PDXK: variants seen among roughly 807,000 people sequenced by gnomAD.
The protein encoded by PDXK is pyridoxal kinase, also known as epididymis secretory sperm binding protein Li 1a.
PDXK carries 15 observed loss-of-function variants against 43.2 expected under a neutral mutation model. The ratio of observed to expected loss-of-function variants is 0.35; its 90% CI spans 0.23 to 0.53. PDXK has a LOEUF of 0.53. Among genes scored for constraint, PDXK ranks in the 20% least tolerant of loss-of-function variants. PDXK has a pLI of 0.92. For synonymous variants in PDXK, 172 were observed against 165.4 expected (o/e 1.04, Z -0.31); for missense variants, 343 against 417.0 (o/e 0.82, Z 1.54).
At chr21:43,733,247 A>ACCCCCCCCCC (rs1568976417) in intron 1 of PDXK, among the ~76,000 whole-genome samples, 1 of 26,796 alleles carries the variant, frequency 3.7e-5, no homozygotes, top group Non-Finnish European at 8.9e-5. Flanking sequence ...GCCCCTCCCC[A>ACCCCCCCCCC]TCCCCACCCC....
chr21:43,748,617 A>G (rs866867321), intron 5 of PDXK: 1 of 181,842 alleles, frequency 5.5e-6, no homozygotes, highest in Non-Finnish European at 1.1e-5. Flanking sequence ...GGACATGGCC[A>G]GCACCCCCAA....
At chr21:43,745,991 T>C in intron 4 of PDXK, 88 bp from the exon 5 acceptor site, 1 of 1,048,686 alleles carries the variant, frequency 9.5e-7, no homozygotes. Context: ...AGCAAGACCC[T>C]GTCTTAAAAA....
chr21:43,745,401 CAG>C (rs1489381708), intron 4 of PDXK, among the ~76,000 whole-genome samples: 1 of 145,816 alleles, frequency 6.9e-6, no homozygotes, highest in African/African-American at 2.6e-5. Context: ...GCTTGGGTGA[CAG>C]GGCGAGACTC....
At chr21:43,728,941 C>A in intron 1 of PDXK, 1 of 985,370 alleles carries the variant, frequency 1.0e-6, no homozygotes, top group Non-Finnish European at 1.2e-6. Context: ...ATTATTTTGA[C>A]CCCCCAGGGC....
Position 43,732,168 on chromosome 21 carries a change from G to A in PDXK, c.88-1901G>A. ...CAGTTTCACATTCTTGGTACCTCCTGGTGGTGCCTGGGAGGGAGCCACTGC... is the reference window on the plus strand; with the variant it reads ...CAGTTTCACATTCTTGGTACCTCCTAGTGGTGCCTGGGAGGGAGCCACTGC... On this transcript the variant is annotated intron_variant, in intron 1 of 10. Transcript: ENST00000291565. This position sits in a 1 kb window ranked among gnomAD's most constrained non-coding sequence, Gnocchi z 4.1. The A allele has an allele frequency of 7.1e-7, 1 of 1,408,486 alleles. No homozygotes were observed. Among genetic ancestry groups the A allele is most frequent in the African/African-American group, 1.4e-5 (1 of 69,374 alleles). 87.2% of individuals were successfully genotyped at this position (1,408,486 alleles called of 1,614,324 possible).
chr21:43,761,903 C>T lies in PDXK; in HGVS notation c.*5840C>T, dbSNP rs906199262. On this transcript the variant is annotated 3_prime_UTR_variant, in exon 11 of 11. Coordinates refer to ENST00000291565, the MANE Select transcript of PDXK (RefSeq NM_003681.5). ...GGACGTGAGTCCTCAGCTGGCTCCG[C>T]GTGGGCCCTTGGAGGGTGCCAGGTG... 3 of 153,766 alleles carry T rather than the reference C, an allele frequency of 2.0e-5. No individual in the cohort carries two copies. The highest frequency in any genetic ancestry group is 1.3e-4 in the Admixed American group (2 of 15,292). 9.5% of individuals were successfully genotyped at this position (153,766 alleles called of 1,614,324 possible). A position where few individuals can be genotyped will look rare whatever the true frequency, so the allele number is the denominator to read the frequency against.
chr21:43,748,136 T>C (rs765727493), intron 5 of PDXK, among the ~76,000 whole-genome samples: 4 of 152,272 alleles, frequency 2.6e-5, no homozygotes, highest in Non-Finnish European at 1.5e-5. Flanking sequence ...AAATGTTCCA[T>C]GAAGCCCACA....
In PDXK at chr21:43,749,087, C is replaced by CATTTT; in HGVS notation, c.464+19_464+23dup. On this transcript the variant is annotated splice_region_variant and intron_variant, in intron 6 of 10. Coordinates refer to ENST00000291565, the MANE Select transcript of PDXK (RefSeq NM_003681.5). ...CCAACCAGTTTGAGGCCGAGTAAGT[C>CATTTT]ATTTTATTTTATTTTACTTTATTTA... 6.4e-7 allele frequency: 1 copy of CATTTT among 1,558,062 alleles called. No homozygotes were observed. Among genetic ancestry groups the CATTTT allele is most frequent in the South Asian group, 1.1e-5 (1 of 88,914 alleles).
rs552548029 is a variant in PDXK at position 43,719,839 on chromosome 21, G to A, written c.87+458G>A. ...GCCGTGGAGCTCGAGACGCTCGCGC[G>A]CTCACCTCCTGGGCCCCTGTGCGTG... On this transcript the variant is annotated intron_variant, in intron 1 of 10. Coordinates refer to ENST00000291565, the MANE Select transcript of PDXK (RefSeq NM_003681.5). 5 of 985,490 alleles carry A rather than the reference G, an allele frequency of 5.1e-6. No homozygotes were observed. The South Asian group carries it at 2.3e-4, about 46-fold the overall frequency. 61.0% of individuals were successfully genotyped at this position (985,490 alleles called of 1,614,324 possible).
In PDXK at chr21:43,756,553, G is replaced by A. The variant is rs2083854842; in HGVS notation, c.*490G>A. On this transcript the variant is annotated 3_prime_UTR_variant, in exon 11 of 11. Coordinates refer to ENST00000291565, the MANE Select transcript of PDXK (RefSeq NM_003681.5). ...TATCTTTACTGTCATTCTGACCATA[G>A]CCTCTTTGTTCCCGCATTCGAACTT... 1 of 154,706 alleles carries A rather than the reference G, an allele frequency of 6.5e-6. No homozygotes were observed. The allele number at this position is 154,706 out of a possible 1,614,324, so 9.6% of individuals were successfully genotyped here.
chr21:43,722,501 T>C (rs1456823411), intron 1 of PDXK, among the ~76,000 whole-genome samples: 4 of 152,228 alleles, frequency 2.6e-5, no homozygotes, highest in East Asian at 1.9e-4. Flanking sequence ...TAGGGTCATG[T>C]AGGAGTTTGC....
At chr21:43,727,986 C>G (rs930317362) in intron 1 of PDXK, among the ~76,000 whole-genome samples, 10 of 152,204 alleles carry the variant, frequency 6.6e-5, no homozygotes, top group African/African-American at 2.4e-4. Context: ...TTGCAGTGAG[C>G]CCAGCACCTG....
At chr21:43,721,555 T>A (rs1031403138) in intron 1 of PDXK, 1 of 152,288 alleles carries the variant, frequency 6.6e-6, no homozygotes, top group African/African-American at 2.4e-5. Context: ...GGGTCCCACC[T>A]CAAAGCAGGT....
At position 43,726,270 on chromosome 21, in the gene PDXK, C is replaced by CTTTTTTT. The variant is rs1182376121; in HGVS notation, c.87+6903_87+6909dup. 3.6e-3 allele frequency among the ~76,000 whole-genome samples: 425 copies of CTTTTTTT among 116,800 alleles called. 1 individual carries two copies. Among genetic ancestry groups the CTTTTTTT allele is most frequent in the African/African-American group, 6.0e-3 (164 of 27,504 alleles). The allele number at this position is 116,800 out of a possible 152,430, so 76.6% of individuals were successfully genotyped here. A position where few individuals can be genotyped will look rare whatever the true frequency, so the allele number is the denominator to read the frequency against. ...GTCCCGTTTTCCATTTTTTCTTTTT[C>CTTTTTTT]TTTTTTTTTTTTTTTTTTTTGAGAC... On this transcript the variant is annotated intron_variant, in intron 1 of 10. Transcript: ENST00000291565.
Position 43,737,728 on chromosome 21 carries a change from C to T in PDXK, c.142+3605C>T, listed in dbSNP as rs1180168201. On this transcript the variant is annotated intron_variant, in intron 2 of 10. Coordinates refer to ENST00000291565, the MANE Select transcript of PDXK (RefSeq NM_003681.5). This position sits in a 1 kb window ranked among gnomAD's most constrained non-coding sequence, Gnocchi z 4.8. ...CCAGGCCGGGCCAGGAGCCTGCCGACGGACACCAGCGAGGGGCCAGGCCGG... is the reference window on the plus strand; with the variant it reads ...CCAGGCCGGGCCAGGAGCCTGCCGATGGACACCAGCGAGGGGCCAGGCCGG... The T allele has an allele frequency of 8.4e-6, 8 of 949,968 alleles. No individual in the cohort carries two copies. Among genetic ancestry groups the T allele is most frequent in the Admixed American group, 1.5e-4 (2 of 13,076 alleles). 58.8% of individuals were successfully genotyped at this position (949,968 alleles called of 1,614,324 possible).
intron 7 of PDXK, among the ~76,000 whole-genome samples, chr21:43,751,388 A>G (rs561621631): frequency 6.6e-6 from 1 of 152,220 alleles, no homozygotes. Flanking sequence ...ATCTCTACTA[A>G]AAATACAAAA....
rs1353216407 is a variant in PDXK at position 43,737,327 on chromosome 21, C to T, written c.142+3204C>T. 7 of 1,352,616 alleles carry T rather than the reference C, an allele frequency of 5.2e-6. No individual in the cohort carries two copies. In the Admixed American group the frequency reaches 2.0e-4, roughly 39 times the overall value. 83.8% of individuals were successfully genotyped at this position (1,352,616 alleles called of 1,614,324 possible). ...GCTGCTCGCACTTCTGCCCCTTCCCCCGGCCAGGCCCCCGTTCCTTGAGGC... is the reference window on the plus strand; with the variant it reads ...GCTGCTCGCACTTCTGCCCCTTCCCTCGGCCAGGCCCCCGTTCCTTGAGGC... On this transcript the variant is annotated intron_variant, in intron 2 of 10. Coordinates refer to ENST00000291565, the MANE Select transcript of PDXK (RefSeq NM_003681.5). The surrounding 1 kb of genome is among the most constrained non-coding windows in gnomAD (Gnocchi z 4.8).
At chr21:43,742,584 G>T (rs2083556067) in intron 3 of PDXK, among the ~76,000 whole-genome samples, 1 of 152,142 alleles carries the variant, frequency 6.6e-6, no homozygotes, top group Admixed American at 6.6e-5. Flanking sequence ...ATGTCTAAAG[G>T]TCACATATAA....
chr21:43,722,733 C>T lies in PDXK; in HGVS notation c.87+3352C>T, dbSNP rs7280288. On this transcript the variant is annotated intron_variant, in intron 1 of 10. Coordinates refer to ENST00000291565, the MANE Select transcript of PDXK (RefSeq NM_003681.5). ...TCTGTCTCTGTCCTCACGTGGCCTC[C>T]GCCCAGTGTGCTCTCTTAAAAGTCC... 2.5e-3 allele frequency among the ~76,000 whole-genome samples: 378 copies of T among 152,326 alleles called. 3 individuals are homozygous for T. Among genetic ancestry groups the T allele is most frequent in the African/African-American group, 8.5e-3 (352 of 41,558 alleles).
Sources: allele counts gnomAD v4.1 joint callset (sites outside exome capture counted in the v4.1 genomes callset), GRCh38; gene constraint gnomAD v4.1.1; non-coding constraint Gnocchi (gnomAD v3.1); transcripts MANE v1.5; gene names NCBI Gene and HGNC (gene_info 2026-07-23, HGNC 2026-07-21).